Variants in ULK4 observed in about 807,000 individuals in gnomAD.
The protein encoded by ULK4 is unc-51 like kinase 4.
ULK4 carries 133 observed loss-of-function variants against 160.6 expected under a neutral mutation model. The ratio of observed to expected loss-of-function variants is 0.83; its 90% CI spans 0.72 to 0.96. The LOEUF (loss-of-function observed/expected upper bound fraction) is 0.96. Among genes scored for constraint, ULK4 ranks in the 40% least tolerant of loss-of-function variants. The pLI, the probability that ULK4 is intolerant of heterozygous loss-of-function variation, is 0.00. For missense variants in ULK4, 1,580 were observed against 1,499.5 expected, an observed-to-expected ratio of 1.05 and a Z score of -0.89; for synonymous variants, 534 against 539.8, an observed-to-expected ratio of 0.99 and a Z score of 0.15.
At chr3:41,867,407 T>C (rs1264731484) in intron 17 of ULK4, among the ~76,000 whole-genome samples, 1 of 152,100 alleles carries the variant, frequency 6.6e-6, no homozygotes, top group Non-Finnish European at 1.5e-5. Context: ...GGGGGCAAGG[T>C]GTCACCCAGG....
intron 30 of ULK4, among the ~76,000 whole-genome samples, chr3:41,661,708 T>A (rs1442578048): frequency 6.6e-6 from 1 of 152,134 alleles, no homozygotes; most frequent in Non-Finnish European, 1.5e-5. Context: ...ATTGTTAGAA[T>A]TTAAGGCAAA....
chr3:41,824,019 C>G (rs1299906786), intron 18 of ULK4, among the ~76,000 whole-genome samples: 1 of 151,948 alleles, frequency 6.6e-6, no homozygotes, highest in Non-Finnish European at 1.5e-5. Context: ...AAAAATTAGC[C>G]AGGTGTGGTG....
intron 35 of ULK4, among the ~76,000 whole-genome samples, chr3:41,269,726 T>C (rs180902452): frequency 1.8e-3 from 269 of 152,310 alleles, no homozygotes; most frequent in Non-Finnish European, 3.2e-3. Flanking sequence ...AATAGTACAA[T>C]CTCAATAGTA....
chr3:41,274,243 A>C (rs1256074931), intron 35 of ULK4, among the ~76,000 whole-genome samples: 1 of 152,072 alleles, frequency 6.6e-6, no homozygotes, highest in Admixed American at 6.5e-5. Flanking sequence ...TCAAGGCAGG[A>C]GGGTAAATTT....
At chr3:41,597,217 C>T (rs1395723507) in intron 31 of ULK4, among the ~76,000 whole-genome samples, 1 of 152,162 alleles carries the variant, frequency 6.6e-6, no homozygotes, top group African/African-American at 2.4e-5. Context: ...TGTGTGTCAA[C>T]CATAGACCAT....
intron 35 of ULK4, among the ~76,000 whole-genome samples, chr3:41,332,158 G>A (rs1213455776): frequency 7.3e-5 from 11 of 151,580 alleles, no homozygotes. Context: ...TGTGTAGAGT[G>A]CAGGATAGGG....
At chr3:41,730,331 C>T (rs904107591) in intron 22 of ULK4, among the ~76,000 whole-genome samples, 5 of 151,912 alleles carry the variant, frequency 3.3e-5, no homozygotes, top group African/African-American at 9.7e-5. Context: ...TTTTAAAAGA[C>T]AAAAGGTCAG....
At chr3:41,760,027 A>G (rs1218436982) in intron 21 of ULK4, among the ~76,000 whole-genome samples, 3 of 152,196 alleles carry the variant, frequency 2.0e-5, no homozygotes, top group Non-Finnish European at 4.4e-5. Flanking sequence ...ACACTGTAAG[A>G]AAAGACAAGC....
intron 17 of ULK4, among the ~76,000 whole-genome samples, chr3:41,863,343 A>G (rs2042548246): frequency 1.3e-5 from 2 of 152,156 alleles, no homozygotes; most frequent in Non-Finnish European, 2.9e-5. Context: ...CCTTCAGGAC[A>G]GTGGGCTCCC....
At chr3:41,570,369 C>T (rs2087929068) in intron 31 of ULK4, among the ~76,000 whole-genome samples, 1 of 152,148 alleles carries the variant, frequency 6.6e-6, no homozygotes. Flanking sequence ...GGTCTGCCAC[C>T]AATTTCATCT....
intron 7 of ULK4, 79 bp downstream of exon 7, chr3:41,918,377 TA>T: frequency 5.4e-6 from 5 of 919,794 alleles, no homozygotes; most frequent in East Asian, 2.9e-5. Context: ...TATGAATCAA[TA>T]AAAGCAAACG....
chr3:41,601,019 T>TA (rs1482869141), intron 31 of ULK4, among the ~76,000 whole-genome samples: 4 of 152,066 alleles, frequency 2.6e-5, no homozygotes, highest in Non-Finnish European at 4.4e-5. Context: ...GACCCTTATT[T>TA]AAAAAACGAA....
intron 30 of ULK4, among the ~76,000 whole-genome samples, chr3:41,642,903 T>G (rs2034291083): frequency 6.6e-6 from 1 of 152,242 alleles, no homozygotes; most frequent in Non-Finnish European, 1.5e-5. Flanking sequence ...TGAGATGGTA[T>G]CTCATTGTGG....
intron 32 of ULK4, among the ~76,000 whole-genome samples, chr3:41,522,419 C>T (rs993442661): frequency 2.0e-5 from 3 of 151,904 alleles, no homozygotes; most frequent in Non-Finnish European, 2.9e-5. Flanking sequence ...GGATTTCAGG[C>T]GTGAGCCACC....
intron 32 of ULK4, among the ~76,000 whole-genome samples, chr3:41,540,410 G>A (rs1048295932): frequency 6.6e-6 from 1 of 152,102 alleles, no homozygotes; most frequent in African/African-American, 2.4e-5. Context: ...GTGTATATGT[G>A]CCACATTTTC....
chr3:41,855,391 G>A (rs1443128873), intron 17 of ULK4, among the ~76,000 whole-genome samples: 2 of 152,052 alleles, frequency 1.3e-5, no homozygotes, highest in African/African-American at 2.4e-5. Flanking sequence ...CCCCACTTCT[G>A]TATCTAATGT....
At chr3:41,426,949 A>C (rs942585000) in intron 34 of ULK4, among the ~76,000 whole-genome samples, 2 of 152,244 alleles carry the variant, frequency 1.3e-5, no homozygotes, top group Non-Finnish European at 2.9e-5. Context: ...AGACACAAAA[A>C]ACCCTTCAAA....
At chr3:41,726,478 T>C (rs1321393736) in intron 22 of ULK4, among the ~76,000 whole-genome samples, 2 of 152,220 alleles carry the variant, frequency 1.3e-5, no homozygotes, top group Admixed American at 1.3e-4. Flanking sequence ...CCACAAATAC[T>C]TCACAAGCGT....
intron 35 of ULK4, among the ~76,000 whole-genome samples, chr3:41,373,842 C>T (rs1575482032): frequency 6.6e-6 from 1 of 152,098 alleles, no homozygotes; most frequent in African/African-American, 2.4e-5. Flanking sequence ...ATCAATGAAT[C>T]CAGGAGCTGG....
Sources: allele counts gnomAD v4.1 joint callset (sites outside exome capture counted in the v4.1 genomes callset), GRCh38; gene constraint gnomAD v4.1.1; transcripts MANE v1.5; gene names NCBI Gene and HGNC (gene_info 2026-07-23, HGNC 2026-07-21).